EYA3: variants seen among roughly 807,000 people sequenced by gnomAD.
EYA3 encodes the protein protein phosphatase EYA3.
In EYA3, 39 loss-of-function variants were observed where a neutral mutation model predicts 80.0. The observed-to-expected ratio is 0.49, with a 90% confidence interval of 0.38 to 0.64. The LOEUF is 0.64. Ranked by LOEUF, EYA3 falls within the 30% of genes least tolerant of loss-of-function variation. EYA3 has a pLI of 0.00. For synonymous variants in EYA3, 206 were observed against 232.8 expected, an observed-to-expected ratio of 0.88 and a Z score of 1.05; for missense variants, 523 against 676.1, an observed-to-expected ratio of 0.77 and a Z score of 2.51.
intron 16 of EYA3, 94 bp from the exon 17 acceptor site, chr1:27,978,568 A>G: frequency 1.0e-6 from 1 of 976,702 alleles, no homozygotes; most frequent in Admixed American, 1.9e-5. Flanking sequence ...GCCTGTGCTT[A>G]GGTGGACTAA....
chr1:28,080,271 C>T lies in EYA3; in HGVS notation c.-69+8253G>A, dbSNP rs114703097. 4.4e-3 allele frequency among the ~76,000 whole-genome samples: 674 copies of T among 151,504 alleles called. 2 individuals carry two copies. The highest frequency in any genetic ancestry group is 7.5e-3 in the Non-Finnish European group (509 of 67,846). ...ACCAGCCTGGGCAATACAGTGAAAC[C>T]GCATCTATAAAACACAAAACAAACA... On this transcript the variant is annotated intron_variant, in intron 1 of 17. Transcript: ENST00000373871.
intron 5 of EYA3, among the ~76,000 whole-genome samples, chr1:28,037,059 C>A (rs1013902217): frequency 1.3e-5 from 2 of 152,026 alleles, no homozygotes; most frequent in African/African-American, 4.8e-5. Flanking sequence ...AGAGAAGTAG[C>A]GAGAGAAAGG....
rs1296613918 is a variant in EYA3 at position 27,974,381 on chromosome 1, CAGAG to C, written c.*81_*84del. ...AGACAGAGACACAGAGAGAGACAGACAGAGAAAGTTCTCAGTTGGTTCCAGTCTC... is the reference window on the plus strand; with the variant it reads ...AGACAGAGACACAGAGAGAGACAGACAAAGTTCTCAGTTGGTTCCAGTCTC... On this transcript the variant is annotated 3_prime_UTR_variant, in exon 18 of 18. Transcript: ENST00000373871. 6 of 931,638 alleles carry C rather than the reference CAGAG, an allele frequency of 6.4e-6. No homozygotes were observed. The highest frequency in any genetic ancestry group is 1.5e-5 in the South Asian group (1 of 66,760). The allele number at this position is 931,638 out of a possible 1,614,324, so 57.7% of individuals were successfully genotyped here. A position where few individuals can be genotyped will look rare whatever the true frequency, so the allele number is the denominator to read the frequency against.
At chr1:28,021,340 T>C (rs1039099222) in intron 7 of EYA3, among the ~76,000 whole-genome samples, 3 of 152,220 alleles carry the variant, frequency 2.0e-5, no homozygotes, top group African/African-American at 7.2e-5. Flanking sequence ...TTTTGACCTA[T>C]TAAAACCAAG....
rs1641121366 is a variant in EYA3 at position 28,004,417 on chromosome 1, C to T, written c.912G>A (p.Arg304=). Residue 304 remains arginine (R), a splice_region_variant and synonymous_variant, in exon 11 of 18, where the codon CGG becomes CGA. Coordinates refer to ENST00000373871, the MANE Select transcript of EYA3 (RefSeq NM_001990.4). ...ATSSQDSELE[R]VFLWDLDETI... is the part of the protein sequence containing the mutation. ...TTTCATCCAAGTCCCACAGAAATAC[C>T]CGCTGAGGAAAGAAAATATAAAAAA... 1 of 1,603,270 alleles carries T rather than the reference C, an allele frequency of 6.2e-7. No individual in the cohort carries two copies. The highest frequency in any genetic ancestry group is 1.3e-5 in the African/African-American group (1 of 74,638).
chr1:27,993,356 CCAGGAAGAAA>C, intron 14 of EYA3, 34 bp downstream of exon 14: 1 of 1,583,076 alleles, frequency 6.3e-7, no homozygotes, highest in Non-Finnish European at 8.6e-7. Context: ...AAGGAGGAAA[CCAGGAAGAAA>C]CAGAGAATCA....
intron 7 of EYA3, among the ~76,000 whole-genome samples, chr1:28,018,764 C>T (rs1642235697): frequency 6.6e-6 from 1 of 152,178 alleles, no homozygotes; most frequent in Non-Finnish European, 1.5e-5. Flanking sequence ...AGTAACTTGT[C>T]CACAGCAGCA....
intron 4 of EYA3, among the ~76,000 whole-genome samples, chr1:28,041,695 CGAG>C (rs991830767): frequency 4.0e-5 from 6 of 151,894 alleles, no homozygotes; most frequent in Non-Finnish European, 4.4e-5. Flanking sequence ...TTTTTTGTAG[CGAG>C]GAGGTCTCAC....
chr1:28,065,878 C>T (rs761119495), intron 1 of EYA3, among the ~76,000 whole-genome samples: 3 of 151,908 alleles, frequency 2.0e-5, no homozygotes, highest in Non-Finnish European at 2.9e-5. Context: ...TGGCGCATGC[C>T]TGTAATCCCA....
chr1:28,024,109 T>C (rs1642626386), intron 7 of EYA3, among the ~76,000 whole-genome samples: 1 of 151,894 alleles, frequency 6.6e-6, no homozygotes, highest in South Asian at 2.1e-4. Flanking sequence ...CATGGTGGCA[T>C]GTGCCTGTAA....
chr1:27,993,619 G>C, intron 13 of EYA3, 59 bp from the exon 14 acceptor site: 4 of 1,438,824 alleles, frequency 2.8e-6, no homozygotes, highest in Non-Finnish European at 3.7e-6. Context: ...TTTTGTTTGA[G>C]TGCTATTTGG....
intron 2 of EYA3, among the ~76,000 whole-genome samples, chr1:28,055,630 C>A (rs1437616015): frequency 6.6e-6 from 1 of 152,076 alleles, no homozygotes; most frequent in African/African-American, 2.4e-5. Context: ...GCCACCACAC[C>A]TGGCTAATTT....
intron 13 of EYA3, among the ~76,000 whole-genome samples, chr1:27,996,618 G>A (rs2148745614): frequency 6.6e-6 from 1 of 152,298 alleles, no homozygotes; most frequent in East Asian, 1.9e-4. Flanking sequence ...GGTATGTCCA[G>A]TTCTACTCCG....
chr1:28,045,929 GA>G lies in EYA3; in HGVS notation c.77+2453del, dbSNP rs1222364310. ...AACAGACATACAATGGAGTATTATTGAGCCTTAAAAAGAGGAAATTCTGACA... is the reference window on the plus strand; with the variant it reads ...AACAGACATACAATGGAGTATTATTGGCCTTAAAAAGAGGAAATTCTGACA... On this transcript the variant is annotated intron_variant, in intron 3 of 17. Transcript: ENST00000373871. Among the ~76,000 whole-genome samples, 4 of 152,150 alleles carry G rather than the reference GA, an allele frequency of 2.6e-5. No homozygotes were observed. In the East Asian group the frequency reaches 7.7e-4, roughly 29 times the overall value.
chr1:27,989,884 A>G, intron 14 of EYA3, 73 bp from the exon 15 acceptor site: 1 of 797,780 alleles, frequency 1.3e-6, no homozygotes, highest in South Asian at 1.7e-5. Context: ...GCAACTTCTA[A>G]ATTCAATTTA....
At chr1:28,036,896 T>C (rs906407982) in intron 5 of EYA3, among the ~76,000 whole-genome samples, 1 of 151,796 alleles carries the variant, frequency 6.6e-6, no homozygotes, top group African/African-American at 2.4e-5. Context: ...AGAAAGGCCA[T>C]AAAGAAGTGA....
At chr1:27,994,563 T>G (rs546792369) in intron 13 of EYA3, among the ~76,000 whole-genome samples, 1 of 152,098 alleles carries the variant, frequency 6.6e-6, no homozygotes, top group South Asian at 2.1e-4. Flanking sequence ...GGCGCATGCC[T>G]GTAGTCCCAG....
intron 8 of EYA3, among the ~76,000 whole-genome samples, chr1:28,014,994 A>G (rs1458052172): frequency 2.0e-5 from 3 of 152,244 alleles, no homozygotes; most frequent in Non-Finnish European, 4.4e-5. Context: ...TATCTCTACC[A>G]TAAACCAAAT....
intron 1 of EYA3, among the ~76,000 whole-genome samples, chr1:28,060,680 A>G (rs1017694179): frequency 6.6e-6 from 1 of 152,166 alleles, no homozygotes; most frequent in African/African-American, 2.4e-5. Context: ...TGGCTTTTCA[A>G]TCTAGGAGAA....
Sources: allele counts gnomAD v4.1 joint callset (sites outside exome capture counted in the v4.1 genomes callset), GRCh38; gene constraint gnomAD v4.1.1; transcripts MANE v1.5; gene names NCBI Gene and HGNC (gene_info 2026-07-23, HGNC 2026-07-21).